The following HOMER1 variants were observed in gnomAD, a reference collection of about 807,000 sequenced individuals.
HOMER1 encodes homer protein homolog 1.
Under a neutral mutation model 48.9 loss-of-function variants are expected in HOMER1, and 3 were observed. The ratio of observed to expected loss-of-function variants is 0.06; its 90% CI spans 0.03 to 0.16. HOMER1 has a LOEUF of 0.16. Among genes scored for constraint, HOMER1 ranks in the 10% least tolerant of loss-of-function variants. The pLI, the probability that HOMER1 is intolerant of heterozygous loss-of-function variation, is 1.00. For synonymous variants in HOMER1, 134 were observed against 146.4 expected (o/e 0.92, Z 0.61); for missense variants, 247 against 411.4 (o/e 0.60, Z 3.46).
chr5:79,403,230 A>G (rs1749578222), intron 5 of HOMER1, among the ~76,000 whole-genome samples: 1 of 152,162 alleles, frequency 6.6e-6, no homozygotes. Context: ...TCATCCCATT[A>G]ACTAACTAGT....
At chr5:79,460,608 C>T (rs4307071) in intron 1 of HOMER1, among the ~76,000 whole-genome samples, 96,227 of 151,936 alleles carry the variant, frequency 0.63, 33,668 homozygotes, top group East Asian at 0.99. Flanking sequence ...GCAGTATCAG[C>T]AGATAAGTAA....
At chr5:79,434,555 G>C (rs1490646941) in intron 5 of HOMER1, among the ~76,000 whole-genome samples, 1 of 151,836 alleles carries the variant, frequency 6.6e-6, no homozygotes, top group Admixed American at 6.6e-5. Flanking sequence ...TTATCATTTA[G>C]GTTAAAAAAT....
intron 8 of HOMER1, among the ~76,000 whole-genome samples, chr5:79,383,606 G>A (rs1200068826): frequency 2.6e-5 from 4 of 151,952 alleles, no homozygotes; most frequent in South Asian, 2.1e-4. Context: ...GGCTGGTCTC[G>A]AACTCCTGAC....
At chr5:79,446,949 A>G in intron 4 of HOMER1, 104 bp downstream of exon 4, 1 of 723,096 alleles carries the variant, frequency 1.4e-6, no homozygotes, top group Non-Finnish European at 2.4e-6. Flanking sequence ...CCACCACACT[A>G]AAGGGTGCAT....
At chr5:79,444,507 T>C (rs1750823821) in intron 4 of HOMER1, among the ~76,000 whole-genome samples, 2 of 152,260 alleles carry the variant, frequency 1.3e-5, no homozygotes, top group Middle Eastern at 3.2e-3. Context: ...TTATTCTTTA[T>C]ATTTCATAGT....
intron 1 of HOMER1, among the ~76,000 whole-genome samples, chr5:79,503,810 T>C (rs1379699305): frequency 6.6e-6 from 1 of 151,800 alleles, no homozygotes; most frequent in Non-Finnish European, 1.5e-5. Flanking sequence ...TCATCATAAA[T>C]ATTCTTATCT....
In HOMER1 at chr5:79,373,715, T is replaced by C. The variant is rs1301054351; in HGVS notation, c.*2294A>G. The C allele has an allele frequency of 6.6e-6, 1 of 151,968 alleles. No homozygotes were observed. Among genetic ancestry groups the C allele is most frequent in the Non-Finnish European group, 1.5e-5 (1 of 67,886 alleles). The allele number at this position is 151,968 out of a possible 1,614,324, so 9.4% of individuals were successfully genotyped here. On this transcript the variant is annotated 3_prime_UTR_variant, in exon 9 of 9. Coordinates refer to ENST00000334082, the MANE Select transcript of HOMER1 (RefSeq NM_004272.5). ...TACATGTCTATTGACAATCTGGGAATTTAAAGGTGCAGCCCTCAAGAGATT... is the reference window on the plus strand; with the variant it reads ...TACATGTCTATTGACAATCTGGGAACTTAAAGGTGCAGCCCTCAAGAGATT...
In HOMER1 at chr5:79,397,604, T is replaced by C; in HGVS notation, c.718A>G (p.Asn240Asp). ...TELECVSSQA[N>D]AVHTHKTELN... ...TCTGTCTTATGAGTATGTACTGCAT[T>C]TGCTTGGCTACTAACACATTCAAGT... Residue 240 changes from asparagine (N) to aspartate (D), a missense_variant, in exon 7 of 9, where the codon AAT becomes GAT. By Grantham distance (23) the Asn-to-Asp change is conservative. Coordinates refer to ENST00000334082, the MANE Select transcript of HOMER1 (RefSeq NM_004272.5). 6.2e-7 allele frequency: 1 copy of C among 1,609,362 alleles called. No homozygotes were observed. The highest frequency in any genetic ancestry group is 8.5e-7 in the Non-Finnish European group (1 of 1,177,642).
intron 1 of HOMER1, chr5:79,510,293 AAATT>A: frequency 2.7e-6 from 1 of 366,684 alleles, no homozygotes; most frequent in South Asian, 2.4e-5. Context: ...ATTTATAAAC[AAATT>A]AATTATGCTA....
intron 8 of HOMER1, among the ~76,000 whole-genome samples, chr5:79,395,913 A>T (rs1749370635): frequency 6.6e-6 from 1 of 152,182 alleles, no homozygotes; most frequent in Non-Finnish European, 1.5e-5. Flanking sequence ...GGCTGTTCTT[A>T]TTATAATCTA....
intron 6 of HOMER1, among the ~76,000 whole-genome samples, chr5:79,400,736 C>A (rs56938148): frequency 2.2e-5 from 2 of 91,598 alleles, no homozygotes; most frequent in African/African-American, 6.4e-5. Flanking sequence ...AAAAAAAAAA[C>A]TTCTTCTTTT....
chr5:79,507,519 G>A (rs916617459), intron 1 of HOMER1, among the ~76,000 whole-genome samples: 2 of 151,962 alleles, frequency 1.3e-5, no homozygotes, highest in African/African-American at 4.8e-5. Context: ...CATTCCACGA[G>A]ATACGACCTG....
chr5:79,445,325 CCTA>C (rs1326506862), intron 4 of HOMER1, among the ~76,000 whole-genome samples: 3 of 152,056 alleles, frequency 2.0e-5, no homozygotes, highest in Non-Finnish European at 4.4e-5. Flanking sequence ...AAAGCTGAAT[CCTA>C]CTAGTAGGAT....
intron 1 of HOMER1, among the ~76,000 whole-genome samples, chr5:79,492,978 G>A (rs1436173268): frequency 6.9e-6 from 1 of 143,952 alleles, no homozygotes; most frequent in Non-Finnish European, 1.5e-5. Flanking sequence ...GAGTGCAGTG[G>A]CACGATCGTG....
chr5:79,377,127 G>C (rs1463953544), intron 8 of HOMER1, among the ~76,000 whole-genome samples: 2 of 152,014 alleles, frequency 1.3e-5, no homozygotes, highest in Non-Finnish European at 2.9e-5. Context: ...CACCACACCT[G>C]GCTAATTTTT....
At position 79,469,968 on chromosome 5, in the gene HOMER1, T is replaced by C. The variant is rs75888694; in HGVS notation, c.6-12950A>G. Among the ~76,000 whole-genome samples the C allele has an allele frequency of 8.7e-4, 132 of 152,358 alleles. 3 individuals are homozygous for C. The East Asian group carries it at 0.025, about 28-fold the overall frequency. On this transcript the variant is annotated intron_variant, in intron 1 of 8. Transcript: ENST00000334082. ...TAGTGTTAATACAACCCAGTCACCA[T>C]GGCATCATAGAAACCCAAATACATT...
intron 3 of HOMER1, among the ~76,000 whole-genome samples, chr5:79,448,952 C>T (rs2112290449): frequency 6.7e-6 from 1 of 149,778 alleles, no homozygotes; most frequent in East Asian, 2.0e-4. Context: ...AAAGCATATG[C>T]TAACTTTAAA....
At chr5:79,496,794 G>A (rs563099167) in intron 1 of HOMER1, among the ~76,000 whole-genome samples, 1 of 152,264 alleles carries the variant, frequency 6.6e-6, no homozygotes, top group East Asian at 1.9e-4. Context: ...GCCAGGCACG[G>A]TGGCTCATGC....
intron 5 of HOMER1, among the ~76,000 whole-genome samples, chr5:79,405,534 A>AT (rs1444981116): frequency 6.6e-6 from 1 of 151,994 alleles, no homozygotes; most frequent in African/African-American, 2.4e-5. Flanking sequence ...TCAGATTCTC[A>AT]TTTTTTTCTA....
Sources: gnomAD v4.1 joint callset for allele counts (sites outside exome capture counted in the v4.1 genomes callset) on GRCh38, gnomAD v4.1.1 for gene constraint, MANE v1.5 for transcripts, NCBI Gene and HGNC (gene_info 2026-07-23, HGNC 2026-07-21) for gene names.